SOBP: variants seen among roughly 807,000 people sequenced by gnomAD.
SOBP encodes the protein sine oculis-binding protein homolog.
Under a neutral mutation model 53.6 loss-of-function variants are expected in SOBP, and 4 were observed. The observed-to-expected ratio is 0.07, with a 90% CI of 0.04 to 0.17. The LOEUF (loss-of-function observed/expected upper bound fraction) is 0.17, where lower values mean the gene tolerates loss of function less well. Among genes scored for constraint, SOBP ranks in the 10% least tolerant of loss-of-function variants. The pLI is 1.00. For missense variants in SOBP, 1,088 were observed against 1,204.7 expected (o/e 0.90, Z 1.43); for synonymous variants, 584 against 522.6 (o/e 1.12, Z -1.60).
At chr6:107,541,998 G>A (rs1479327027) in intron 4 of SOBP, among the ~76,000 whole-genome samples, 3 of 151,586 alleles carry the variant, frequency 2.0e-5, no homozygotes, top group East Asian at 1.9e-4. Context: ...GCCTGTATAC[G>A]GCACTAAGCA....
chr6:107,502,414 A>C (rs570691380), intron 1 of SOBP, among the ~76,000 whole-genome samples: 2 of 152,364 alleles, frequency 1.3e-5, no homozygotes, highest in Admixed American at 1.3e-4. Context: ...ATAAGCATTA[A>C]AATCATTAAC....
At chr6:107,642,949 A>T (rs1267534254) in intron 6 of SOBP, among the ~76,000 whole-genome samples, 3 of 152,246 alleles carry the variant, frequency 2.0e-5, no homozygotes, top group Admixed American at 1.3e-4. Context: ...AATGAATGGT[A>T]TTCCCATACA....
intron 6 of SOBP, among the ~76,000 whole-genome samples, chr6:107,654,071 A>T (rs1171609713): frequency 6.6e-6 from 1 of 152,206 alleles, no homozygotes; most frequent in Non-Finnish European, 1.5e-5. Context: ...GTGAACAGAG[A>T]GTCTCTCAAT....
chr6:107,497,977 G>A (rs1782742483), intron 1 of SOBP, among the ~76,000 whole-genome samples: 1 of 152,126 alleles, frequency 6.6e-6, no homozygotes, highest in East Asian at 1.9e-4. Context: ...GCATGAGGGT[G>A]CTTACTAATA....
chr6:107,550,081 A>G (rs1784420498), intron 4 of SOBP, among the ~76,000 whole-genome samples: 1 of 152,022 alleles, frequency 6.6e-6, no homozygotes, highest in Admixed American at 6.5e-5. Flanking sequence ...TTGAGTCCTA[A>G]AGCTGAAATA....
At chr6:107,631,192 C>T (rs1288390908) in intron 5 of SOBP, among the ~76,000 whole-genome samples, 1 of 152,066 alleles carries the variant, frequency 6.6e-6, no homozygotes, top group Non-Finnish European at 1.5e-5. Context: ...TTTCAGAAAA[C>T]CCTTCTCCCT....
chr6:107,509,861 CT>C (rs1215217635), intron 3 of SOBP: 2 of 152,302 alleles, frequency 1.3e-5, no homozygotes, highest in Non-Finnish European at 2.9e-5. Flanking sequence ...TTCCAGGGCG[CT>C]CATCTGTTGA....
At chr6:107,492,317 G>A (rs889067419) in intron 1 of SOBP, among the ~76,000 whole-genome samples, 22 of 152,114 alleles carry the variant, frequency 1.4e-4, no homozygotes, top group African/African-American at 5.3e-4. Flanking sequence ...TTAGGTTGGG[G>A]GTGGGGAAGG....
intron 5 of SOBP, among the ~76,000 whole-genome samples, chr6:107,603,207 G>A (rs1382180207): frequency 6.6e-6 from 1 of 152,168 alleles, no homozygotes; most frequent in Non-Finnish European, 1.5e-5. Flanking sequence ...TGTTTTCCCT[G>A]CTACGGCCAC....
intron 3 of SOBP, among the ~76,000 whole-genome samples, chr6:107,524,378 A>G (rs1382133231): frequency 2.6e-5 from 4 of 152,202 alleles, no homozygotes; most frequent in Admixed American, 2.6e-4. Flanking sequence ...GTCCCAGGAC[A>G]TCTTAGATTG....
chr6:107,508,803 G>T (rs549389653), intron 3 of SOBP, among the ~76,000 whole-genome samples: 54 of 152,204 alleles, frequency 3.5e-4, no homozygotes, highest in African/African-American at 1.2e-3. Context: ...CATATTTTAC[G>T]TAGGCCAAGT....
chr6:107,560,512 C>T (rs1031146070), intron 4 of SOBP, among the ~76,000 whole-genome samples: 1 of 152,114 alleles, frequency 6.6e-6, no homozygotes, highest in African/African-American at 2.4e-5. Flanking sequence ...AAAACCTGAC[C>T]TCTGGAGCCT....
intron 4 of SOBP, among the ~76,000 whole-genome samples, chr6:107,543,641 A>G (rs1043350500): frequency 6.6e-6 from 1 of 152,190 alleles, no homozygotes; most frequent in Non-Finnish European, 1.5e-5. Flanking sequence ...GATGCAAGCA[A>G]ATGCCCTCTA....
chr6:107,638,359 C>T (rs567842743), intron 6 of SOBP, among the ~76,000 whole-genome samples: 15 of 152,196 alleles, frequency 9.9e-5, no homozygotes, highest in Admixed American at 3.3e-4. Context: ...TATAGCCACG[C>T]GCCACGATGC....
At chr6:107,558,318 G>T (rs144417185) in intron 4 of SOBP, 1 of 151,148 alleles carries the variant, frequency 6.6e-6, no homozygotes, top group Non-Finnish European at 1.5e-5. Flanking sequence ...ACCCAGGCTG[G>T]AGTGCAGTGG....
intron 4 of SOBP, among the ~76,000 whole-genome samples, chr6:107,545,357 T>C (rs1231307547): frequency 6.6e-6 from 1 of 152,132 alleles, no homozygotes; most frequent in Non-Finnish European, 1.5e-5. Flanking sequence ...TGATTGACAC[T>C]CAGGTCCCTA....
At chr6:107,529,253 C>A (rs546868721) in intron 3 of SOBP, among the ~76,000 whole-genome samples, 167 of 152,304 alleles carry the variant, frequency 1.1e-3, no homozygotes, top group African/African-American at 3.8e-3. Context: ...ACTTCAGTTT[C>A]TTGCCTGCTT....
At chr6:107,558,971 A>G (rs1439342386) in intron 4 of SOBP, among the ~76,000 whole-genome samples, 1 of 152,070 alleles carries the variant, frequency 6.6e-6, no homozygotes, top group Non-Finnish European at 1.5e-5. Flanking sequence ...GTTTTTCATT[A>G]TAATAAAAAC....
At chr6:107,527,987 G>A (rs1454412133) in intron 3 of SOBP, among the ~76,000 whole-genome samples, 1 of 152,162 alleles carries the variant, frequency 6.6e-6, no homozygotes, top group Non-Finnish European at 1.5e-5. Context: ...CCCTCAGGTT[G>A]CCCTAGCTCT....
Sources: gnomAD v4.1 joint callset for allele counts (sites outside exome capture counted in the v4.1 genomes callset) on GRCh38, gnomAD v4.1.1 for gene constraint, MANE v1.5 for transcripts, NCBI Gene and HGNC (gene_info 2026-07-23, HGNC 2026-07-21) for gene names.